Variants in GRIN2B observed in about 807,000 individuals in gnomAD.
The protein encoded by GRIN2B is glutamate ionotropic receptor NMDA type subunit 2B.
In GRIN2B, 5 loss-of-function variants were observed where a neutral mutation model predicts 114.5. The observed-to-expected ratio is 0.04, with a 90% CI of 0.02 to 0.09. The LOEUF is 0.09. GRIN2B is among the 10% of genes least tolerant of loss of function. GRIN2B has a pLI of 1.00. For missense variants in GRIN2B, 1,108 were observed against 1,943.5 expected (o/e 0.57, Z 8.08); for synonymous variants, 787 against 745.1 (o/e 1.06, Z -0.92).
chr12:13,649,324 G>A (rs948194453), intron 5 of GRIN2B, among the ~76,000 whole-genome samples: 20 of 152,014 alleles, frequency 1.3e-4, no homozygotes, highest in Admixed American at 2.6e-4. Flanking sequence ...TTAGGTTTTC[G>A]GCTGAAGCTT....
At chr12:13,874,304 C>T (rs1481330036) in intron 2 of GRIN2B, among the ~76,000 whole-genome samples, 1 of 152,202 alleles carries the variant, frequency 6.6e-6, no homozygotes, top group East Asian at 1.9e-4. Context: ...CTGCTGTATG[C>T]ACAAAGCAGA....
At chr12:13,916,712 TAC>T (rs1156830012) in intron 2 of GRIN2B, among the ~76,000 whole-genome samples, 160 of 96,850 alleles carry the variant, frequency 1.7e-3, no homozygotes, top group Middle Eastern at 0.015. Flanking sequence ...CATATACATA[TAC>T]ACACACACAC....
rs1054870577 is a variant in GRIN2B, at chr12:13,899,704, C to G, written c.-18-33478G>C. 1.0e-4 allele frequency among the ~76,000 whole-genome samples: 15 copies of G among 144,238 alleles called. 3 individuals are homozygous for G. Among genetic ancestry groups the G allele is most frequent in the Non-Finnish European group, 2.1e-4 (13 of 62,684 alleles). 94.6% of individuals were successfully genotyped at this position (144,238 alleles called of 152,430 possible). A position where few individuals can be genotyped will look rare whatever the true frequency, so the allele number is the denominator to read the frequency against. ...TCCACTTCCTGTTAGCTAGCATACA[C>G]AAAGAAGAGCATGTTAAGATGTTGG... is the stretch of plus-strand genomic sequence containing the variant. On this transcript the variant is annotated intron_variant, in intron 2 of 13. Coordinates refer to ENST00000609686, the MANE Select transcript of GRIN2B (RefSeq NM_000834.5).
At chr12:13,882,741 A>G (rs1393906396) in intron 2 of GRIN2B, among the ~76,000 whole-genome samples, 3 of 152,230 alleles carry the variant, frequency 2.0e-5, no homozygotes, top group African/African-American at 4.8e-5. Flanking sequence ...ATTTTAATTT[A>G]TGAAAATCTT....
intron 2 of GRIN2B, among the ~76,000 whole-genome samples, chr12:13,944,436 G>A (rs558716720): frequency 6.6e-6 from 1 of 152,170 alleles, no homozygotes; most frequent in African/African-American, 2.4e-5. Flanking sequence ...TACTTGAGAC[G>A]CTTCTCCCAG....
At chr12:13,890,371 C>T (rs532686889) in intron 2 of GRIN2B, among the ~76,000 whole-genome samples, 9 of 152,284 alleles carry the variant, frequency 5.9e-5, no homozygotes, top group African/African-American at 2.2e-4. Context: ...TTACTGATTG[C>T]TCTATAGGTT....
chr12:13,730,436 A>G (rs1863069224), intron 4 of GRIN2B, among the ~76,000 whole-genome samples: 5 of 152,148 alleles, frequency 3.3e-5, no homozygotes, highest in African/African-American at 9.7e-5. Context: ...CTTTGTATAC[A>G]TTCTTATTTA....
intron 10 of GRIN2B, among the ~76,000 whole-genome samples, chr12:13,602,283 T>C (rs2136457195): frequency 6.6e-6 from 1 of 152,314 alleles, no homozygotes; most frequent in Admixed American, 6.5e-5. Flanking sequence ...AATCATACCC[T>C]TACATTTTGC....
At position 13,564,328 on chromosome 12, in the gene GRIN2B, G is replaced by A. The variant is rs201252525; in HGVS notation, c.2910C>T (p.Phe970=). The change falls in exon 14 of 14, where the codon TTC becomes TTT. Residue 970 remains phenylalanine (F), a synonymous_variant. Coordinates refer to ENST00000609686, the MANE Select transcript of GRIN2B (RefSeq NM_000834.5). This position sits in a 1 kb window ranked among gnomAD's most constrained non-coding sequence, Gnocchi z 4.8. ...TGCTGTCCTTCAGCTGCAGGTTCCC[G>A]AACGTTCTCTCTACCTCACTGATGT... ...SDYISEVERT[F]GNLQLKDSNV... 83 of 1,614,094 alleles carry A rather than the reference G, an allele frequency of 5.1e-5. No individual in the cohort carries two copies. Among genetic ancestry groups the A allele is most frequent in the Non-Finnish European group, 6.1e-5 (72 of 1,180,040 alleles).
chr12:13,811,040 G>A (rs888169097), intron 3 of GRIN2B, among the ~76,000 whole-genome samples: 6 of 152,244 alleles, frequency 3.9e-5, no homozygotes, highest in Non-Finnish European at 8.8e-5. Flanking sequence ...AGGTCCAGTA[G>A]TGAGATTCAT....
At chr12:13,800,601 A>G (rs1279912733) in intron 3 of GRIN2B, among the ~76,000 whole-genome samples, 1 of 152,190 alleles carries the variant, frequency 6.6e-6, no homozygotes, top group Non-Finnish European at 1.5e-5. Context: ...TAGTATCAAC[A>G]TCTCTGAACT....
chr12:13,672,184 G>C (rs1950028528), intron 5 of GRIN2B, among the ~76,000 whole-genome samples: 1 of 152,028 alleles, frequency 6.6e-6, no homozygotes, highest in Non-Finnish European at 1.5e-5. Context: ...CACTAGAAAG[G>C]ACCCAAGAAG....
intron 5 of GRIN2B, among the ~76,000 whole-genome samples, chr12:13,657,766 A>G (rs1451392358): frequency 1.3e-5 from 2 of 152,238 alleles, no homozygotes; most frequent in Non-Finnish European, 2.9e-5. Context: ...TAGATATTTC[A>G]TATATTTTAA....
chr12:13,615,373 ACATC>A lies in GRIN2B; in HGVS notation c.1501-110_1501-107del. ...GTTTTCTTTGTATAGTGGGAACAAT[ACATC>A]TTATTTGCCATTTTATATTTTCTGA... On this transcript the variant is annotated intron_variant, in intron 7 of 13. Transcript: ENST00000609686. This position sits in a 1 kb window ranked among gnomAD's most constrained non-coding sequence, Gnocchi z 5.8. The A allele has an allele frequency of 7.1e-7, 1 of 1,415,016 alleles. No homozygotes were observed. The highest frequency in any genetic ancestry group is 1.2e-5 in the South Asian group (1 of 86,798). The allele number at this position is 1,415,016 out of a possible 1,614,324, so 87.7% of individuals were successfully genotyped here.
At position 13,954,811 on chromosome 12, in the gene GRIN2B, G is replaced by GAAAAAAAAAAAAAAAAA. The variant is rs61525874; in HGVS notation, c.-19+25100_-19+25116dup. On this transcript the variant is annotated intron_variant, in intron 2 of 13. Coordinates refer to ENST00000609686, the MANE Select transcript of GRIN2B (RefSeq NM_000834.5). ...GTGACAGAGTGAGACTCCGTCTCAG[G>GAAAAAAAAAAAAAAAAA]AAAAAAAAAAAAAAAAAACTTTTTC... Among the ~76,000 whole-genome samples the GAAAAAAAAAAAAAAAAA allele has an allele frequency of 6.2e-3, 158 of 25,498 alleles. 22 individuals carry two copies. The highest frequency in any genetic ancestry group is 0.011 in the African/African-American group (98 of 9,036). The allele number at this position is 25,498 out of a possible 152,430, so 16.7% of individuals were successfully genotyped here.
rs138938224 is a variant in GRIN2B at position 13,612,762 on chromosome 12, A to G, written c.1655-912T>C. 7.0e-3 allele frequency among the ~76,000 whole-genome samples: 1,065 copies of G among 152,298 alleles called. 6 individuals are homozygous for G. Among genetic ancestry groups the G allele is most frequent in the Middle Eastern group, 0.024 (7 of 294 alleles). On this transcript the variant is annotated intron_variant, in intron 8 of 13. Transcript: ENST00000609686. ...TATATTCCAGAAGCCATCTCTGTAA[A>G]GGCCTATAAAAAGGGACAATCACTA...
At chr12:13,790,676 G>T (rs1025304428) in intron 3 of GRIN2B, among the ~76,000 whole-genome samples, 1 of 152,146 alleles carries the variant, frequency 6.6e-6, no homozygotes, top group Non-Finnish European at 1.5e-5. Flanking sequence ...TGGTTTGAAG[G>T]GGCATGGTCA....
intron 2 of GRIN2B, among the ~76,000 whole-genome samples, chr12:13,886,005 T>C (rs1461478386): frequency 6.6e-6 from 1 of 152,144 alleles, no homozygotes; most frequent in East Asian, 1.9e-4. Flanking sequence ...GCGCCCCAGA[T>C]GACACTGTTG....
intron 5 of GRIN2B, among the ~76,000 whole-genome samples, chr12:13,620,752 T>G (rs7977091): frequency 6.6e-6 from 1 of 152,040 alleles, no homozygotes. Context: ...GACAGGGGCT[T>G]TCTACATCCT....
Sources: gnomAD v4.1 joint callset for allele counts (sites outside exome capture counted in the v4.1 genomes callset) on GRCh38, gnomAD v4.1.1 for gene constraint, Gnocchi (gnomAD v3.1) non-coding constraint, MANE v1.5 for transcripts, NCBI Gene and HGNC (gene_info 2026-07-23, HGNC 2026-07-21) for gene names.